The following ANO4 variants were observed in gnomAD, a reference collection of about 807,000 sequenced individuals.
ANO4 encodes the protein anoctamin-4.
In ANO4, 69 loss-of-function variants were observed where a neutral mutation model predicts 141.9. The observed-to-expected ratio is 0.49, with a 90% CI of 0.40 to 0.59. The LOEUF (loss-of-function observed/expected upper bound fraction) is 0.59. Among genes scored for constraint, ANO4 ranks in the 20% least tolerant of loss-of-function variants. The pLI is 0.00. For missense variants in ANO4, 894 were observed against 1,162.2 expected, an observed-to-expected ratio of 0.77 and a Z score of 3.36; for synonymous variants, 350 against 394.3, an observed-to-expected ratio of 0.89 and a Z score of 1.33.
At chr12:100,741,534 A>G (rs538334662) in intron 3 of ANO4, among the ~76,000 whole-genome samples, 1 of 152,290 alleles carries the variant, frequency 6.6e-6, no homozygotes, top group East Asian at 1.9e-4. Context: ...TGCGGTTCAC[A>G]AACATACCTG....
rs116826613 is a variant in ANO4, at chr12:100,918,786, A to G, written c.56-3440A>G. On this transcript the variant is annotated intron_variant, in intron 2 of 27. Coordinates refer to ENST00000392977, the MANE Select transcript of ANO4 (RefSeq NM_001286615.2). Reference sequence around the variant, plus strand: ...TACTCTACCTTTTATTGTTGTTTTAAAGTTTACTCCTTTTACTGATTAAAA... The same window carrying G: ...TACTCTACCTTTTATTGTTGTTTTAGAGTTTACTCCTTTTACTGATTAAAA... Among the ~76,000 whole-genome samples the G allele has an allele frequency of 2.4e-3, 358 of 152,248 alleles. 2 individuals carry two copies. The highest frequency in any genetic ancestry group is 8.3e-3 in the African/African-American group (345 of 41,546).
intron 1 of ANO4, among the ~76,000 whole-genome samples, chr12:100,728,351 A>C (rs915390649): frequency 1.5e-4 from 23 of 152,344 alleles, no homozygotes; most frequent in Middle Eastern, 3.4e-3. Context: ...AAAACAGTAG[A>C]TCTTGTTCTG....
chr12:100,943,124 A>T (rs1490197621), intron 5 of ANO4, among the ~76,000 whole-genome samples: 1 of 152,216 alleles, frequency 6.6e-6, no homozygotes, highest in Non-Finnish European at 1.5e-5. Context: ...TCAAGGCAGA[A>T]CTAAGTAAGG....
chr12:100,774,568 G>A (rs890155975), intron 3 of ANO4, among the ~76,000 whole-genome samples: 2 of 152,208 alleles, frequency 1.3e-5, no homozygotes, highest in Middle Eastern at 6.3e-3. Context: ...AGACCTAGAA[G>A]GAAATAGAGT....
chr12:100,978,592 A>G (rs576355709), intron 7 of ANO4, among the ~76,000 whole-genome samples: 14 of 152,308 alleles, frequency 9.2e-5, no homozygotes, highest in South Asian at 6.2e-4. Flanking sequence ...TATAATCTCT[A>G]TCTCTTTAGT....
intron 1 of ANO4, among the ~76,000 whole-genome samples, chr12:100,822,348 C>T (rs546122331): frequency 1.3e-5 from 2 of 152,050 alleles, no homozygotes; most frequent in African/African-American, 4.8e-5. Flanking sequence ...CCCCAAAGTC[C>T]CAACTCGAGT....
intron 3 of ANO4, among the ~76,000 whole-genome samples, chr12:100,764,672 G>A (rs1417050727): frequency 6.6e-6 from 1 of 151,888 alleles, no homozygotes; most frequent in Non-Finnish European, 1.5e-5. Context: ...ATCAGCACAT[G>A]TTTGATTAAA....
chr12:100,895,378 A>G lies in ANO4; in HGVS notation c.-140-6268A>G, dbSNP rs2040298888. Among the ~76,000 whole-genome samples the G allele has an allele frequency of 2.0e-5, 3 of 152,216 alleles. No individual in the cohort carries two copies. In the South Asian group the frequency reaches 6.2e-4, roughly 32 times the overall value. On this transcript the variant is annotated intron_variant, in intron 1 of 27. Transcript: ENST00000392977. The stretch of plus-strand genomic sequence containing the variant: ...AGAAATGACATTTGGATGAAAGCAA[A>G]TCATTTTTACATAGGCACACTGCTA...
At chr12:101,059,271 T>C (rs1047094058) in intron 14 of ANO4, among the ~76,000 whole-genome samples, 32 of 152,216 alleles carry the variant, frequency 2.1e-4, no homozygotes, top group African/African-American at 6.8e-4. Flanking sequence ...TTCCAGTATT[T>C]CATTGAGGAT....
intron 1 of ANO4, among the ~76,000 whole-genome samples, chr12:100,850,599 C>T (rs529434064): frequency 6.6e-5 from 10 of 152,222 alleles, no homozygotes; most frequent in African/African-American, 2.4e-4. Flanking sequence ...TTGAGACTGG[C>T]AGAACCTAGG....
chr12:101,090,614 G>A (rs1593244330), intron 17 of ANO4, among the ~76,000 whole-genome samples: 2 of 152,074 alleles, frequency 1.3e-5, no homozygotes, highest in South Asian at 2.1e-4. Flanking sequence ...TGGGTGAGGC[G>A]GGAGGGATAG....
At chr12:101,099,801 C>T in intron 22 of ANO4, 81 bp downstream of exon 22, 1 of 1,228,188 alleles carries the variant, frequency 8.1e-7, no homozygotes, top group Non-Finnish European at 1.1e-6. Flanking sequence ...TACCCGTTAT[C>T]ATCAAGGTCC....
At chr12:100,874,152 C>T (rs1423321983) in intron 1 of ANO4, among the ~76,000 whole-genome samples, 1 of 152,230 alleles carries the variant, frequency 6.6e-6, no homozygotes, top group East Asian at 1.9e-4. Flanking sequence ...GGATGTCCAG[C>T]CAGCAGTCTG....
upstream of ANO4, among the ~76,000 whole-genome samples, chr12:100,793,614 C>T (rs555989279): frequency 6.6e-6 from 1 of 151,990 alleles, no homozygotes; most frequent in African/African-American, 2.4e-5. Flanking sequence ...TTTGTATATT[C>T]CTGTTAACTC....
At chr12:101,011,126 G>T (rs1411309625) in intron 8 of ANO4, among the ~76,000 whole-genome samples, 1 of 152,086 alleles carries the variant, frequency 6.6e-6, no homozygotes, top group Non-Finnish European at 1.5e-5. Context: ...CAGCCTTGGG[G>T]CAGCATTCCA....
chr12:101,012,627 A>G (rs527992315), intron 8 of ANO4, among the ~76,000 whole-genome samples: 12 of 152,310 alleles, frequency 7.9e-5, no homozygotes, highest in Middle Eastern at 3.4e-3. Context: ...GGCAGGAACC[A>G]TGAAGGACTG....
chr12:100,786,549 A>C (rs1374108274), intron 3 of ANO4, among the ~76,000 whole-genome samples: 2 of 152,178 alleles, frequency 1.3e-5, no homozygotes, highest in Non-Finnish European at 2.9e-5. Flanking sequence ...TCAGGAAGAC[A>C]GGGTTTTTTT....
Position 101,127,890 on chromosome 12 carries a change from G to A in ANO4, c.*34G>A, listed in dbSNP as rs1355310665. 2.0e-5 allele frequency: 3 copies of A among 152,610 alleles called. No individual in the cohort carries two copies. The East Asian group carries it at 5.8e-4, about 29-fold the overall frequency. The allele number at this position is 152,610 out of a possible 1,614,324, so 9.5% of individuals were successfully genotyped here. ...TAGTCCCTTTCCAGGCCAAGGACCT[G>A]AATTCTGTTTACTTCTTCTGGCTGT... On this transcript the variant is annotated 3_prime_UTR_variant, in exon 28 of 28. Transcript: ENST00000392977.
rs534242648 is a variant in ANO4, at chr12:100,978,403, C to T, written c.602+3514C>T. Among the ~76,000 whole-genome samples, 107 of 152,284 alleles carry T rather than the reference C, an allele frequency of 7.0e-4. 1 individual carries two copies. In the South Asian group the frequency reaches 0.022, roughly 32 times the overall value. On this transcript the variant is annotated intron_variant, in intron 7 of 27. Coordinates refer to ENST00000392977, the MANE Select transcript of ANO4 (RefSeq NM_001286615.2). ...TAAAAGAAAACAGTGATAAAAGGAA[C>T]TATAGAATCTCAAGGTTTTATGGGA...
Sources: gnomAD v4.1 joint callset for allele counts (sites outside exome capture counted in the v4.1 genomes callset) on GRCh38, gnomAD v4.1.1 for gene constraint, MANE v1.5 for transcripts, NCBI Gene and HGNC (gene_info 2026-07-23, HGNC 2026-07-21) for gene names.